The following NELL1 variants were observed in gnomAD, a reference collection of about 807,000 sequenced individuals.
NELL1 encodes protein kinase C-binding protein NELL1.
A neutral mutation model predicts 107.4 loss-of-function variants in NELL1; 76 were observed. That is an observed-to-expected ratio of 0.71 (90% CI 0.59 to 0.86). The LOEUF is 0.86. NELL1 is among the 40% of genes least tolerant of loss of function. NELL1 has a pLI of 0.00. For missense variants in NELL1, 1,024 were observed against 1,005.5 expected (o/e 1.02, Z -0.25); for synonymous variants, 353 against 341.2 (o/e 1.03, Z -0.38).
chr11:21,571,049 C>T (rs1327959605), intron 18 of NELL1, 109 bp downstream of exon 18: 3 of 939,974 alleles, frequency 3.2e-6, no homozygotes, highest in East Asian at 5.0e-5. Context: ...ATACAGGGAG[C>T]TCTGTGGGGC....
At chr11:20,708,293 C>T (rs768761786) in intron 2 of NELL1, among the ~76,000 whole-genome samples, 12 of 152,360 alleles carry the variant, frequency 7.9e-5, no homozygotes, top group East Asian at 5.8e-4. Context: ...TTGCACTTCC[C>T]GGGTGAGGCG....
At chr11:20,803,485 T>C (rs1857319977) in intron 3 of NELL1, among the ~76,000 whole-genome samples, 3 of 152,170 alleles carry the variant, frequency 2.0e-5, no homozygotes, top group Admixed American at 2.0e-4. Context: ...GTTTATCCTT[T>C]CAAAAACGAA....
At chr11:20,993,892 CAAA>C (rs66593988) in intron 12 of NELL1, among the ~76,000 whole-genome samples, 25,774 of 124,758 alleles carry the variant, frequency 0.21, 2,374 homozygotes, top group East Asian at 0.33. Flanking sequence ...TCTTTGTTGC[CAAA>C]AAAAAAAAAA....
At chr11:20,985,486 G>C (rs538729799) in intron 12 of NELL1, among the ~76,000 whole-genome samples, 10 of 152,264 alleles carry the variant, frequency 6.6e-5, no homozygotes, top group African/African-American at 2.2e-4. Flanking sequence ...CAGCTTGGGC[G>C]TATGGACAGC....
Position 20,678,061 on chromosome 11 carries a change from G to A in NELL1, c.184+1G>A, listed in dbSNP as rs1471664599. The A allele has an allele frequency of 1.2e-6, 2 of 1,614,078 alleles. No individual in the cohort carries two copies. The highest frequency in any genetic ancestry group is 1.7e-6 in the Non-Finnish European group (2 of 1,179,956). On this transcript the variant is annotated splice_donor_variant, in intron 2 of 19. Transcript: ENST00000357134. LOFTEE classifies it high-confidence loss of function. ...GCCAGCAAAGCATTTTTATTTCAAG[G>A]TAAAGGCACCTCCTTTCTTGCATGG...
At chr11:21,219,754 T>A (rs915651981) in intron 13 of NELL1, among the ~76,000 whole-genome samples, 32 of 152,342 alleles carry the variant, frequency 2.1e-4, no homozygotes, top group East Asian at 1.9e-3. Context: ...CCAATGTAAG[T>A]TGCTGGCACT....
rs548531139 is a variant in NELL1, at chr11:21,044,096, C to G, written c.1301-69493C>G. ...GCAGAGAGAATGATAGGGCTCAGAT[C>G]AAATCCTGAGGATGCTTGAAGTTTA... is the stretch of plus-strand genomic sequence containing the variant. On this transcript the variant is annotated intron_variant, in intron 12 of 19. Coordinates refer to ENST00000357134, the MANE Select transcript of NELL1 (RefSeq NM_006157.5). Among the ~76,000 whole-genome samples, 34 of 152,194 alleles carry G rather than the reference C, an allele frequency of 2.2e-4. 1 individual carries two copies. The South Asian group carries it at 6.9e-3, about 31-fold the overall frequency.
intron 12 of NELL1, among the ~76,000 whole-genome samples, chr11:20,987,501 T>C (rs575838260): frequency 1.3e-3 from 199 of 152,284 alleles, no homozygotes; most frequent in Middle Eastern, 3.4e-3. Flanking sequence ...GAAGCAAACA[T>C]GTCCTTCTTC....
At chr11:20,963,632 C>A (rs1011470994) in intron 12 of NELL1, among the ~76,000 whole-genome samples, 1 of 152,104 alleles carries the variant, frequency 6.6e-6, no homozygotes, top group African/African-American at 2.4e-5. Flanking sequence ...ATCGGGTAGA[C>A]AAGCTTACAG....
At chr11:21,554,630 A>G (rs1856663748) in intron 16 of NELL1, among the ~76,000 whole-genome samples, 1 of 151,920 alleles carries the variant, frequency 6.6e-6, no homozygotes, top group South Asian at 2.1e-4. Flanking sequence ...AACAAGACCA[A>G]CAATAATAGT....
chr11:20,717,120 A>G (rs369871520), intron 2 of NELL1, among the ~76,000 whole-genome samples: 31 of 152,280 alleles, frequency 2.0e-4, no homozygotes, highest in African/African-American at 7.5e-4. Flanking sequence ...CATGGCTTTT[A>G]AATTCTTATG....
intron 12 of NELL1, among the ~76,000 whole-genome samples, chr11:20,983,971 T>A (rs1337035262): frequency 6.6e-6 from 1 of 152,112 alleles, no homozygotes; most frequent in Non-Finnish European, 1.5e-5. Flanking sequence ...CAGTAACATA[T>A]CTTCTAGTCC....
intron 13 of NELL1, among the ~76,000 whole-genome samples, chr11:21,158,469 T>A (rs1856293845): frequency 6.6e-6 from 1 of 152,250 alleles, no homozygotes; most frequent in Non-Finnish European, 1.5e-5. Context: ...CTATTGTATA[T>A]GACAGTGTTA....
chr11:20,947,868 G>T (rs897294305), intron 11 of NELL1, among the ~76,000 whole-genome samples: 1 of 152,052 alleles, frequency 6.6e-6, no homozygotes, highest in African/African-American at 2.4e-5. Context: ...ATGATGTATG[G>T]TGAATCCTTA....
chr11:21,519,382 C>A (rs936846152), intron 15 of NELL1, among the ~76,000 whole-genome samples: 1 of 152,052 alleles, frequency 6.6e-6, no homozygotes, highest in African/African-American at 2.4e-5. Context: ...TTGTGTGGGA[C>A]CAGATAATTT....
chr11:20,779,958 T>C (rs1307323440), intron 2 of NELL1, among the ~76,000 whole-genome samples: 1 of 152,256 alleles, frequency 6.6e-6, no homozygotes, highest in East Asian at 1.9e-4. Context: ...GTCCAGTGTT[T>C]CTGCCTGCAT....
chr11:20,677,853 C>A, intron 1 of NELL1, 79 bp from the exon 2 acceptor site: 1 of 1,543,714 alleles, frequency 6.5e-7, no homozygotes, highest in Non-Finnish European at 8.9e-7. Flanking sequence ...GTATTCCCTG[C>A]CACTCCCCGA....
intron 12 of NELL1, among the ~76,000 whole-genome samples, chr11:21,035,101 A>C (rs956944369): frequency 6.6e-6 from 1 of 152,110 alleles, no homozygotes; most frequent in Non-Finnish European, 1.5e-5. Flanking sequence ...AGAGGAGTCT[A>C]TATATATAAA....
intron 13 of NELL1, among the ~76,000 whole-genome samples, chr11:21,197,082 T>C (rs561278891): frequency 6.6e-6 from 1 of 151,920 alleles, no homozygotes; most frequent in Admixed American, 6.6e-5. Context: ...ATACACCATA[T>C]TGGCTAGGGT....
Sources: allele counts gnomAD v4.1 joint callset (sites outside exome capture counted in the v4.1 genomes callset), GRCh38; gene constraint gnomAD v4.1.1; transcripts MANE v1.5; gene names NCBI Gene and HGNC (gene_info 2026-07-23, HGNC 2026-07-21).